Variants in ADA2 observed in about 807,000 individuals in gnomAD.
The protein encoded by ADA2 is adenosine deaminase 2.
Under a neutral mutation model 44.2 loss-of-function variants are expected in ADA2, and 29 were observed. The observed-to-expected ratio is 0.66, with a 90% confidence interval of 0.49 to 0.89. The LOEUF is 0.89. ADA2 is among the 40% of genes least tolerant of loss of function. ADA2 has a pLI of 0.00. For missense variants in ADA2, 637 were observed against 644.8 expected (o/e 0.99, Z 0.13); for synonymous variants, 215 against 234.9 (o/e 0.92, Z 0.77).
intron 3 of ADA2, among the ~76,000 whole-genome samples, chr22:17,204,060 T>C (rs2062324464): frequency 6.6e-6 from 1 of 152,040 alleles, no homozygotes. Flanking sequence ...GTCCTCCCTC[T>C]GTATGCTTGG....
chr22:17,209,915 G>C, intron 1 of ADA2, 192 bp from the exon 2 acceptor site: 1 of 491,112 alleles, frequency 2.0e-6, no homozygotes, highest in Admixed American at 3.9e-5. Flanking sequence ...TTTTGAGACG[G>C]AGTCTCGCTC....
In ADA2 at chr22:17,188,651, A is replaced by G. The variant is rs559311306; in HGVS notation, c.973-204T>C. The G allele has an allele frequency of 1.4e-3, 543 of 391,974 alleles. 1 individual carries two copies. The Middle Eastern group carries it at 0.019, about 14-fold the overall frequency. 24.3% of individuals were successfully genotyped at this position (391,974 alleles called of 1,614,324 possible). A position where few individuals can be genotyped will look rare whatever the true frequency, so the allele number is the denominator to read the frequency against. On this transcript the variant is annotated intron_variant, in intron 6 of 9. Transcript: ENST00000399837. Reference sequence around the variant, plus strand: ...TCCCAGCACTTTGGGAGGCCGAGGCAGGCAGATCACGAAGTCAGGAGATCG... The same window carrying G: ...TCCCAGCACTTTGGGAGGCCGAGGCGGGCAGATCACGAAGTCAGGAGATCG...
upstream of ADA2, chr22:17,219,660 G>GTTTTT (rs1476817588): frequency 2.2e-4 from 19 of 86,934 alleles, no homozygotes; most frequent in African/African-American, 6.2e-4. Flanking sequence ...GTGCATGTGG[G>GTTTTT]GTTTGTTTTT....
In ADA2 at chr22:17,213,522, G is replaced by A. The variant is rs182952210; in HGVS notation, c.-46-3799C>T. The A allele has an allele frequency of 2.8e-4, 77 of 279,408 alleles. No individual in the cohort carries two copies. The Admixed American group carries it at 3.1e-3, about 11-fold the overall frequency. The allele number at this position is 279,408 out of a possible 1,614,324, so 17.3% of individuals were successfully genotyped here. On this transcript the variant is annotated intron_variant, in intron 1 of 9. Transcript: ENST00000399837. ...ACCGGGGAGTGTCGTGGATGCCTAC[G>A]AGCAGGTACAAAAAGGACTTCTAAA...
chr22:17,219,324 T>C (rs902799460), intron 1 of ADA2, 32 bp downstream of exon 1: 3 of 152,492 alleles, frequency 2.0e-5, no homozygotes, highest in Non-Finnish European at 2.9e-5. Context: ...CTGAACCTCA[T>C]CATCCCACAG....
intron 6 of ADA2, among the ~76,000 whole-genome samples, chr22:17,189,578 C>T (rs188016474): frequency 6.6e-6 from 1 of 152,164 alleles, no homozygotes; most frequent in Non-Finnish European, 1.5e-5. Context: ...GTTTTAAGAC[C>T]CACACCTAGG....
intron 1 of ADA2, chr22:17,213,635 A>T (rs1196261397): frequency 1.8e-5 from 5 of 281,510 alleles, no homozygotes; most frequent in African/African-American, 2.3e-5. Flanking sequence ...AATCAATGGG[A>T]ATGAACAAAA....
chr22:17,201,603 G>A (rs1194400787), intron 4 of ADA2, among the ~76,000 whole-genome samples: 2 of 152,008 alleles, frequency 1.3e-5, no homozygotes, highest in African/African-American at 2.4e-5. Flanking sequence ...GCTCAAACCC[G>A]TCTGAGCTCA....
At chr22:17,197,596 C>T (rs970719601) in intron 4 of ADA2, among the ~76,000 whole-genome samples, 1 of 152,204 alleles carries the variant, frequency 6.6e-6, no homozygotes, top group African/African-American at 2.4e-5. Context: ...ACTCAGCTTT[C>T]ACTACCAGAG....
chr22:17,209,889 ATT>A (rs532707544), intron 1 of ADA2, 166 bp from the exon 2 acceptor site: 9,595 of 393,870 alleles, frequency 0.024, no homozygotes, highest in South Asian at 0.034. Context: ...GGGTTTCCCA[ATT>A]TTTTTTTTTT....
intron 4 of ADA2, among the ~76,000 whole-genome samples, chr22:17,202,724 C>G (rs2062304713): frequency 1.3e-5 from 2 of 152,004 alleles, no homozygotes; most frequent in South Asian, 4.2e-4. Flanking sequence ...CCAAACCTGG[C>G]TCCAATTCAT....
At chr22:17,191,887 G>GCCACCCCTGGCCAGCCACCCCTGCCCAA in intron 4 of ADA2, 77 bp from the exon 5 acceptor site, 1 of 1,414,216 alleles carries the variant, frequency 7.1e-7, no homozygotes, top group Non-Finnish European at 9.4e-7. Context: ...CCCCTGCCCA[G>GCCACCCCTGGCCAGCCACCCCTGCCCAA]CCACCCCTGG....
At position 17,203,652 on chromosome 22, in the gene ADA2, G is replaced by C; in HGVS notation, c.664C>G (p.Pro222Ala). ...FTISGLIHYA[P>A]VFRDYVFRSM... ...CGGAAGACATAGTCTCTGAACACTGGTGCGTAATGGATGAGACCAGAGATG... is the reference window on the plus strand; with the variant it reads ...CGGAAGACATAGTCTCTGAACACTGCTGCGTAATGGATGAGACCAGAGATG... Residue 222 changes from proline (P) to alanine (A), a missense_variant, in exon 4 of 10, where the codon CCA becomes GCA. Transcript: ENST00000399837. 6.2e-7 allele frequency: 1 copy of C among 1,614,014 alleles called. No individual in the cohort carries two copies. The highest frequency in any genetic ancestry group is 8.5e-7 in the Non-Finnish European group (1 of 1,179,870).
At chr22:17,199,446 T>TCCTCTATCCCCTTCCCCC in intron 4 of ADA2, 1 of 917,626 alleles carries the variant, frequency 1.1e-6, no homozygotes, top group Non-Finnish European at 1.7e-6. Context: ...CCTCTTCCCC[T>TCCTCTATCCCCTTCCCCC]CCACCCACGA....
chr22:17,200,646 C>G (rs2062268682), intron 4 of ADA2, among the ~76,000 whole-genome samples: 1 of 151,840 alleles, frequency 6.6e-6, no homozygotes, highest in Non-Finnish European at 1.5e-5. Context: ...CTTTGGGAGG[C>G]CGAGGTGGGT....
At chr22:17,210,747 G>A (rs76445260) in intron 1 of ADA2, among the ~76,000 whole-genome samples, 4,193 of 151,898 alleles carry the variant, frequency 0.028, 72 homozygotes, top group South Asian at 0.056. Flanking sequence ...ACAGGCACGC[G>A]TCACCATACC....
In ADA2 at chr22:17,191,539, ACAGGCACAG is replaced by A. The variant is rs576952911; in HGVS notation, c.881+135_881+143del. On this transcript the variant is annotated intron_variant, in intron 5 of 9. Coordinates refer to ENST00000399837, the MANE Select transcript of ADA2 (RefSeq NM_001282225.2). ...CACTTACCTAGGACTGTGCTCTCAC[ACAGGCACAG>A]CACAGCTCCTTGGCACCAGTGCTGG... 6.9e-4 allele frequency: 612 copies of A among 884,870 alleles called. 3 individuals are homozygous for A. In the African/African-American group the frequency reaches 8.5e-3, roughly 12 times the overall value. 54.8% of individuals were successfully genotyped at this position (884,870 alleles called of 1,614,324 possible). A position where few individuals can be genotyped will look rare whatever the true frequency, so the allele number is the denominator to read the frequency against.
chr22:17,192,839 AAGG>A (rs2062136820), intron 4 of ADA2: 1 of 374,610 alleles, frequency 2.7e-6, no homozygotes, highest in Admixed American at 3.8e-5. Flanking sequence ...GAAAAAAAAA[AAGG>A]GGGGGCCCTC....
chr22:17,197,285 T>C (rs990388240), intron 4 of ADA2, among the ~76,000 whole-genome samples: 22 of 150,772 alleles, frequency 1.5e-4, no homozygotes, highest in African/African-American at 5.4e-4. Context: ...TTTTTTTGTC[T>C]GAGACAGGGT....
Sources: allele counts gnomAD v4.1 joint callset (sites outside exome capture counted in the v4.1 genomes callset), GRCh38; gene constraint gnomAD v4.1.1; transcripts MANE v1.5; gene names NCBI Gene and HGNC (gene_info 2026-07-23, HGNC 2026-07-21).